Variants in COLGALT2 observed in about 807,000 individuals in gnomAD.
The protein encoded by COLGALT2 is collagen beta(1-O)galactosyltransferase 2.
A neutral mutation model predicts 73.4 loss-of-function variants in COLGALT2; 49 were observed. The ratio of observed to expected loss-of-function variants is 0.67; its 90% CI spans 0.53 to 0.85. COLGALT2 has a LOEUF of 0.85. Among genes scored for constraint, COLGALT2 ranks in the 40% least tolerant of loss-of-function variants. The pLI is 0.00. For synonymous variants in COLGALT2, 295 were observed against 307.6 expected (o/e 0.96, Z 0.43); for missense variants, 722 against 790.2 (o/e 0.91, Z 1.03).
chr1:184,029,428 C>G (rs1244404435), intron 1 of COLGALT2, among the ~76,000 whole-genome samples: 1 of 152,192 alleles, frequency 6.6e-6, no homozygotes, highest in African/African-American at 2.4e-5. Flanking sequence ...GCAAAGCTCA[C>G]CACCCAAATG....
chr1:184,032,710 C>T (rs1451266780), intron 1 of COLGALT2, among the ~76,000 whole-genome samples: 2 of 152,234 alleles, frequency 1.3e-5, no homozygotes, highest in Non-Finnish European at 2.9e-5. Flanking sequence ...TAACATACAA[C>T]ATTTAATATC....
intron 1 of COLGALT2, among the ~76,000 whole-genome samples, chr1:183,996,294 A>G (rs1228579895): frequency 6.6e-6 from 1 of 152,232 alleles, no homozygotes; most frequent in Non-Finnish European, 1.5e-5. Flanking sequence ...TCTATATGAA[A>G]AAGAGAAGGC....
At chr1:183,980,317 A>G (rs1671314084) in intron 1 of COLGALT2, among the ~76,000 whole-genome samples, 1 of 152,012 alleles carries the variant, frequency 6.6e-6, no homozygotes, top group Admixed American at 6.6e-5. Context: ...AGAAAGATCA[A>G]TAAAAGACAA....
chr1:183,954,001 TCA>T (rs1195492613), intron 7 of COLGALT2, among the ~76,000 whole-genome samples: 3 of 152,326 alleles, frequency 2.0e-5, no homozygotes, highest in East Asian at 1.9e-4. Context: ...GGAAGAGTTC[TCA>T]GTTTGTGGAC....
downstream of COLGALT2, among the ~76,000 whole-genome samples, chr1:183,935,099 G>A (rs1040442514): frequency 6.6e-6 from 1 of 152,194 alleles, no homozygotes; most frequent in African/African-American, 2.4e-5. Context: ...TGCCTGGACA[G>A]CATCTCCACC....
Position 184,037,649 on chromosome 1 carries a change from G to A in COLGALT2, c.-292C>T, listed in dbSNP as rs1166481777. ...TAGTGGCCGAGGGGCTGTGTGCCCT[G>A]AGTCCTGAGGAAAGTTCCTCTAGTC... is the stretch of plus-strand genomic sequence containing the variant. On this transcript the variant is annotated 5_prime_UTR_variant, in exon 1 of 12. Coordinates refer to ENST00000361927, the MANE Select transcript of COLGALT2 (RefSeq NM_015101.4). 2.9e-6 allele frequency: 3 copies of A among 1,037,932 alleles called. No homozygotes were observed. The highest frequency in any genetic ancestry group is 3.5e-6 in the Non-Finnish European group (3 of 864,792). 64.3% of individuals were successfully genotyped at this position (1,037,932 alleles called of 1,614,324 possible). A position where few individuals can be genotyped will look rare whatever the true frequency, so the allele number is the denominator to read the frequency against.
At chr1:183,975,071 T>C in intron 3 of COLGALT2, 26 bp downstream of exon 3, 1 of 1,508,986 alleles carries the variant, frequency 6.6e-7, no homozygotes, top group Non-Finnish European at 9.2e-7. Context: ...ATGACAGTTG[T>C]CAAGAAATCA....
chr1:183,979,289 A>C (rs1671286908), intron 1 of COLGALT2, among the ~76,000 whole-genome samples: 1 of 152,142 alleles, frequency 6.6e-6, no homozygotes, highest in Non-Finnish European at 1.5e-5. Context: ...CAGAACACCT[A>C]TAAATGAAGA....
rs1026503715 is a variant in COLGALT2 at position 183,937,925 on chromosome 1, C to A, written c.*836G>T. ...GAAGCTCTGTAGCAGCGCGCAAACC[C>A]GGGACAGGGCAGGATGCACAGCCAG... On this transcript the variant is annotated 3_prime_UTR_variant, in exon 12 of 12. Coordinates refer to ENST00000361927, the MANE Select transcript of COLGALT2 (RefSeq NM_015101.4). The A allele has an allele frequency of 2.0e-6, 2 of 985,236 alleles. No homozygotes were observed. Among genetic ancestry groups the A allele is most frequent in the Non-Finnish European group, 2.4e-6 (2 of 829,946 alleles). 61.0% of individuals were successfully genotyped at this position (985,236 alleles called of 1,614,324 possible).
chr1:183,956,833 G>A (rs1670567400), intron 6 of COLGALT2, among the ~76,000 whole-genome samples: 1 of 152,194 alleles, frequency 6.6e-6, no homozygotes, highest in African/African-American at 2.4e-5. Context: ...GAAGGCAGCA[G>A]TAAGCCACAG....
At chr1:183,967,390 C>T (rs192760080) in intron 5 of COLGALT2, among the ~76,000 whole-genome samples, 28 of 152,332 alleles carry the variant, frequency 1.8e-4, no homozygotes, top group Admixed American at 1.6e-3. Context: ...CCTTTTCTAT[C>T]TCCTCTTCCC....
rs369711448 is a variant in COLGALT2 at position 183,945,468 on chromosome 1, G to A, written c.1233C>T (p.Ile411=). The A allele has an allele frequency of 2.9e-5, 47 of 1,614,050 alleles. No homozygotes were observed. Among genetic ancestry groups the A allele is most frequent in the Admixed American group, 1.3e-4 (8 of 60,002 alleles). Residue 411 remains isoleucine, a synonymous_variant, in exon 9 of 12, where the codon ATC becomes ATT. Coordinates refer to ENST00000361927, the MANE Select transcript of COLGALT2 (RefSeq NM_015101.4). Reference sequence around the variant, plus strand: ...CTGAGTAGTGGCTGAGAAAGCAGCCGATTTCACCCCTTGTTAGAGGCCTGG... The same window carrying A: ...CTGAGTAGTGGCTGAGAAAGCAGCCAATTTCACCCCTTGTTAGAGGCCTGG... ...YSSRPLTRGE[I]GCFLSHYSVW... is the part of the protein sequence containing the mutation.
intron 1 of COLGALT2, among the ~76,000 whole-genome samples, chr1:183,999,610 A>C (rs983372094): frequency 2.0e-5 from 3 of 152,086 alleles, no homozygotes; most frequent in African/African-American, 7.2e-5. Context: ...GGAAGATTTT[A>C]AACTACTGAC....
intron 1 of COLGALT2, among the ~76,000 whole-genome samples, chr1:184,008,427 TAGATGAAA>T (rs1261269348): frequency 6.6e-6 from 1 of 152,212 alleles, no homozygotes; most frequent in African/African-American, 2.4e-5. Context: ...ATGTAGATTG[TAGATGAAA>T]GTATTGTATC....
intron 11 of COLGALT2, among the ~76,000 whole-genome samples, chr1:183,939,997 AG>A (rs1360834671): frequency 2.6e-5 from 4 of 152,238 alleles, no homozygotes; most frequent in Non-Finnish European, 5.9e-5. Context: ...GCGCTAGGTC[AG>A]GGTAAGCTCC....
In COLGALT2 at chr1:183,936,754, G is replaced by A; in HGVS notation, c.*2007C>T. The A allele has an allele frequency of 8.1e-7, 1 of 1,231,062 alleles. No individual in the cohort carries two copies. The highest frequency in any genetic ancestry group is 1.0e-6 in the Non-Finnish European group (1 of 987,888). The allele number at this position is 1,231,062 out of a possible 1,614,324, so 76.3% of individuals were successfully genotyped here. On this transcript the variant is annotated 3_prime_UTR_variant, in exon 12 of 12. Transcript: ENST00000361927. ...TCTTTCTGTTTTTCTGGGGGTGGGT[G>A]GGAAAGGAAGTCACACTGACAGCTA...
chr1:183,999,238 G>A (rs977631669), intron 1 of COLGALT2, among the ~76,000 whole-genome samples: 2 of 151,846 alleles, frequency 1.3e-5, no homozygotes, highest in Admixed American at 6.6e-5. Flanking sequence ...GCTTTTTCCC[G>A]TTAATTTGTC....
At chr1:183,976,841 G>T (rs1671207747) in intron 2 of COLGALT2, among the ~76,000 whole-genome samples, 1 of 152,186 alleles carries the variant, frequency 6.6e-6, no homozygotes. Context: ...GACAAAGGTA[G>T]ATATTTATAA....
intron 1 of COLGALT2, among the ~76,000 whole-genome samples, chr1:184,034,298 G>GT (rs1649605837): frequency 1.5e-5 from 2 of 130,970 alleles, no homozygotes; most frequent in Non-Finnish European, 3.3e-5. Context: ...TTTTTTGCTT[G>GT]TTTTTTGCCT....
Sources: allele counts gnomAD v4.1 joint callset (sites outside exome capture counted in the v4.1 genomes callset), GRCh38; gene constraint gnomAD v4.1.1; transcripts MANE v1.5; gene names NCBI Gene and HGNC (gene_info 2026-07-23, HGNC 2026-07-21).